Variants in DNAH12 observed in about 807,000 individuals in gnomAD.
DNAH12 encodes the protein axonemal beta dynein heavy chain 12.
Under a neutral mutation model 371.5 loss-of-function variants are expected in DNAH12, and 285 were observed. The ratio of observed to expected loss-of-function variants is 0.77; its 90% CI spans 0.70 to 0.85. DNAH12 has a LOEUF of 0.85. DNAH12 is among the 40% of genes least tolerant of loss of function. The probability of loss-of-function intolerance (pLI) is 0.00; values close to 1 mark genes in which losing one functional copy is unlikely to be tolerated. For synonymous variants in DNAH12, 1,200 were observed against 1,213.0 expected (o/e 0.99, Z 0.22); for missense variants, 3,611 against 3,689.4 (o/e 0.98, Z 0.55).
In DNAH12 at chr3:57,294,166, C is replaced by A. The variant is rs879225568; in HGVS notation, c.11693-195G>T. On this transcript the variant is annotated intron_variant, in intron 73 of 73. Transcript: ENST00000495027. ...CGGTTGTGAAACAAGGCAAGTATTTCTTTTCTTTTCTTTTTTTTTTTTTTT... is the reference window on the plus strand; with the variant it reads ...CGGTTGTGAAACAAGGCAAGTATTTATTTTCTTTTCTTTTTTTTTTTTTTT... Among the ~76,000 whole-genome samples, 4 of 128,968 alleles carry A rather than the reference C, an allele frequency of 3.1e-5. No individual in the cohort carries two copies. In the East Asian group the frequency reaches 9.9e-4, roughly 32 times the overall value. The allele number at this position is 128,968 out of a possible 152,430, so 84.6% of individuals were successfully genotyped here.
intron 23 of DNAH12, among the ~76,000 whole-genome samples, chr3:57,453,660 G>A (rs1213274533): frequency 6.6e-6 from 1 of 150,558 alleles, no homozygotes; most frequent in Non-Finnish European, 1.5e-5. Context: ...TACAACCTCC[G>A]CCTCCTGGGT....
chr3:57,337,412 C>A (rs2062251881), intron 60 of DNAH12, among the ~76,000 whole-genome samples: 3 of 152,190 alleles, frequency 2.0e-5, no homozygotes, highest in East Asian at 1.9e-4. Context: ...GTAATCCCAG[C>A]ACTTTGGGAG....
intron 60 of DNAH12, 123 bp from the exon 61 acceptor site, chr3:57,335,063 CT>C: frequency 9.7e-7 from 1 of 1,029,700 alleles, no homozygotes; most frequent in Non-Finnish European, 1.4e-6. Flanking sequence ...CTGTAAACAA[CT>C]AGAAAACTGG....
Position 57,453,083 on chromosome 3 carries a change from T to C in DNAH12, c.3614-68A>G. ...GAAATAATTTTAAAAAGAAGTATTTTATCTTTTATAACAGCAAATACTAAA... is the reference window on the plus strand; with the variant it reads ...GAAATAATTTTAAAAAGAAGTATTTCATCTTTTATAACAGCAAATACTAAA... On this transcript the variant is annotated intron_variant, in intron 24 of 73. Transcript: ENST00000495027. The C allele has an allele frequency of 6.1e-6, 9 of 1,480,966 alleles. No homozygotes were observed. In the South Asian group the frequency reaches 1.2e-4, roughly 20 times the overall value. 91.7% of individuals were successfully genotyped at this position (1,480,966 alleles called of 1,614,324 possible).
chr3:57,320,574 C>A (rs1295768323), intron 65 of DNAH12, among the ~76,000 whole-genome samples: 3 of 152,054 alleles, frequency 2.0e-5, no homozygotes, highest in African/African-American at 7.3e-5. Flanking sequence ...GGCATTCCAG[C>A]TATTTCTGGA....
At chr3:57,345,362 A>G (rs955071692) in intron 60 of DNAH12, among the ~76,000 whole-genome samples, 2 of 152,174 alleles carry the variant, frequency 1.3e-5, no homozygotes, top group Admixed American at 1.3e-4. Context: ...TCTCGACAAA[A>G]TATTAGCAGA....
rs542102216 is a variant in DNAH12, at chr3:57,421,019, T to C, written c.5562+499A>G. The stretch of plus-strand genomic sequence containing the variant: ...GACTTCCCGCTATGGCTAATGAGGA[T>C]GAAACTCTCTTTCTGGCCAGATTCT... On this transcript the variant is annotated intron_variant, in intron 36 of 73. Transcript: ENST00000495027. 5.3e-5 allele frequency among the ~76,000 whole-genome samples: 8 copies of C among 152,172 alleles called. No individual in the cohort carries two copies. In the East Asian group the frequency reaches 5.8e-4, roughly 11 times the overall value.
intron 2 of DNAH12, among the ~76,000 whole-genome samples, chr3:57,525,982 C>G (rs549953089): frequency 2.9e-4 from 44 of 152,014 alleles, no homozygotes; most frequent in African/African-American, 9.6e-4. Flanking sequence ...AGGCTGGTCT[C>G]AAACTCCTGA....
intron 43 of DNAH12, among the ~76,000 whole-genome samples, chr3:57,396,297 A>C (rs1327178415): frequency 6.7e-6 from 1 of 148,866 alleles, no homozygotes; most frequent in Non-Finnish European, 1.5e-5. Flanking sequence ...AAACAAAAAA[A>C]AAAAAAAAAA....
At chr3:57,546,923 A>C (rs2069584166), upstream of DNAH12, among the ~76,000 whole-genome samples, 1 of 152,160 alleles carries the variant, frequency 6.6e-6, no homozygotes, top group African/African-American at 2.4e-5. Flanking sequence ...CGAGCCAGAC[A>C]GACTTCTTGA....
chr3:57,444,711 C>T lies in DNAH12; in HGVS notation c.4531G>A (p.Glu1511Lys). 6.5e-7 allele frequency: 1 copy of T among 1,549,946 alleles called. No homozygotes were observed. The highest frequency in any genetic ancestry group is 8.7e-7 in the Non-Finnish European group (1 of 1,146,334). The change falls in exon 29 of 74, where the codon GAA becomes AAA. Residue 1511 changes from glutamate (E) to lysine (K), a missense_variant. By Grantham distance (56) the Glu-to-Lys change is moderately conservative. Coordinates refer to ENST00000495027, the MANE Select transcript of DNAH12 (RefSeq NM_001366028.2). ...GGTTTACTTACGTGATAGTCAGCTTCAGGAAGTTTAATACCAGGAAATAAG... is the reference window on the plus strand; with the variant it reads ...GGTTTACTTACGTGATAGTCAGCTTTAGGAAGTTTAATACCAGGAAATAAG... ...SDLFPGIKLP[E>K]ADYHEFLECA...
chr3:57,543,315 GTTTTTTTTT>G (rs5849214), intron 1 of DNAH12, among the ~76,000 whole-genome samples: 65 of 70,288 alleles, frequency 9.2e-4, no homozygotes, highest in Middle Eastern at 0.016. Context: ...ATCATTAATG[GTTTTTTTTT>G]TTTTTTTTTT....
chr3:57,446,498 T>C, intron 26 of DNAH12, 39 bp downstream of exon 26: 1 of 1,501,052 alleles, frequency 6.7e-7, no homozygotes, highest in East Asian at 2.5e-5. Context: ...AGCTGTAAGT[T>C]TGAAACATTT....
chr3:57,546,085 G>A (rs993762450), upstream of DNAH12, among the ~76,000 whole-genome samples: 3 of 152,168 alleles, frequency 2.0e-5, no homozygotes, highest in East Asian at 5.8e-4. Context: ...CCCGAGCCAA[G>A]CTAAGCAGCA....
At chr3:57,442,341 T>C (rs567099865) in intron 29 of DNAH12, among the ~76,000 whole-genome samples, 1 of 152,206 alleles carries the variant, frequency 6.6e-6, no homozygotes, top group South Asian at 2.1e-4. Context: ...TTGTGGTGTT[T>C]ACAAAATATA....
At chr3:57,415,832 A>G (rs1425854199) in intron 37 of DNAH12, among the ~76,000 whole-genome samples, 2 of 141,706 alleles carry the variant, frequency 1.4e-5, no homozygotes, top group Non-Finnish European at 3.0e-5. Flanking sequence ...TTAGTTCCCC[A>G]GGCTGGAGGG....
intron 15 of DNAH12, 26 bp from the exon 16 acceptor site, chr3:57,470,662 T>C (rs1559694627): frequency 3.4e-6 from 5 of 1,486,148 alleles, no homozygotes; most frequent in Non-Finnish European, 2.7e-6. Context: ...TTTTTTGTCT[T>C]AAAAAAAATT....
chr3:57,502,301 A>C (rs370802754), intron 10 of DNAH12, 22 bp downstream of exon 10: 3 of 1,612,772 alleles, frequency 1.9e-6, no homozygotes, highest in Non-Finnish European at 8.5e-7. Flanking sequence ...AAATGGTATA[A>C]TATTATGTAT....
chr3:57,431,167 CTGCCCTG>C lies in DNAH12; in HGVS notation c.4981-1400_4981-1394del, dbSNP rs553474518. On this transcript the variant is annotated intron_variant, in intron 32 of 73. Transcript: ENST00000495027. ...AAAGGTAGGGTCAGCATTCTCCTCA[CTGCCCTG>C]TGTTGTTTCCCAACTACTTCTATTC... Among the ~76,000 whole-genome samples the C allele has an allele frequency of 6.3e-3, 962 of 152,330 alleles. 2 individuals carry two copies. The highest frequency in any genetic ancestry group is 0.011 in the Non-Finnish European group (721 of 68,022).
Sources: gnomAD v4.1 joint callset for allele counts (sites outside exome capture counted in the v4.1 genomes callset) on GRCh38, gnomAD v4.1.1 for gene constraint, MANE v1.5 for transcripts, NCBI Gene and HGNC (gene_info 2026-07-23, HGNC 2026-07-21) for gene names.